Variants in IGF1R observed in about 807,000 individuals in gnomAD.
IGF1R encodes the protein insulin like growth factor 1 receptor.
IGF1R carries 44 observed loss-of-function variants against 144.6 expected under a neutral mutation model. The ratio of observed to expected loss-of-function variants is 0.30; its 90% CI spans 0.24 to 0.39. The LOEUF (loss-of-function observed/expected upper bound fraction) is 0.39, where lower values mean the gene tolerates loss of function less well. Among genes scored for constraint, IGF1R ranks in the 10% least tolerant of loss-of-function variants. The probability of loss-of-function intolerance (pLI) is 1.00; values close to 1 mark genes in which losing one functional copy is unlikely to be tolerated. For missense variants in IGF1R, 1,355 were observed against 1,833.7 expected (o/e 0.74, Z 4.77); for synonymous variants, 795 against 722.8 (o/e 1.10, Z -1.60).
At chr15:98,732,324 G>C (rs1248349149) in intron 2 of IGF1R, among the ~76,000 whole-genome samples, 1 of 152,184 alleles carries the variant, frequency 6.6e-6, no homozygotes, top group Non-Finnish European at 1.5e-5. Context: ...TGAGTATAAG[G>C]ATAAGTCAAT....
chr15:98,931,776 A>G (rs1009386595), intron 15 of IGF1R, among the ~76,000 whole-genome samples: 2 of 152,064 alleles, frequency 1.3e-5, no homozygotes, highest in African/African-American at 4.8e-5. Context: ...AGGTGAAAGG[A>G]TTACCTGAGC....
At chr15:98,951,020 C>T (rs561957764) in intron 20 of IGF1R, among the ~76,000 whole-genome samples, 121 of 152,216 alleles carry the variant, frequency 7.9e-4, no homozygotes, top group Non-Finnish European at 1.4e-3. Context: ...TCTGGGAGTA[C>T]GTTGGCTGGG....
intron 1 of IGF1R, among the ~76,000 whole-genome samples, chr15:98,684,930 C>CTTTTT (rs5814891): frequency 1.8e-5 from 2 of 113,440 alleles, no homozygotes; most frequent in Non-Finnish European, 1.8e-5. Flanking sequence ...CTTCCTTTTC[C>CTTTTT]TTTTTTTTTT....
At chr15:98,888,919 G>A (rs1304588917) in intron 2 of IGF1R, among the ~76,000 whole-genome samples, 3 of 152,158 alleles carry the variant, frequency 2.0e-5, no homozygotes, top group Non-Finnish European at 4.4e-5. Flanking sequence ...TTGATGTTTC[G>A]CCTTGTGGTC....
chr15:98,897,521 G>T, intron 4 of IGF1R: 1 of 154,264 alleles, frequency 6.5e-6, no homozygotes, highest in South Asian at 2.0e-4. Context: ...TTGTGCAAAG[G>T]ATTTCCCACT....
chr15:98,856,650 A>G (rs192535937), intron 2 of IGF1R, among the ~76,000 whole-genome samples: 1 of 152,368 alleles, frequency 6.6e-6, no homozygotes, highest in African/African-American at 2.4e-5. Flanking sequence ...CTATCCAAAT[A>G]TAAAGAATTG....
intron 2 of IGF1R, among the ~76,000 whole-genome samples, chr15:98,789,401 G>A (rs2056078682): frequency 6.6e-6 from 1 of 152,126 alleles, no homozygotes; most frequent in Admixed American, 6.5e-5. Flanking sequence ...TTTTCCTTAT[G>A]TATGTAGTAT....
chr15:98,675,642 A>G (rs1369623216), intron 1 of IGF1R, among the ~76,000 whole-genome samples: 1 of 152,134 alleles, frequency 6.6e-6, no homozygotes, highest in African/African-American at 2.4e-5. Flanking sequence ...AAATCGGTTA[A>G]TCATGCATAT....
intron 10 of IGF1R, 121 bp downstream of exon 10, chr15:98,916,997 G>A (rs1306022229): frequency 1.2e-6 from 1 of 839,270 alleles, no homozygotes; most frequent in Non-Finnish European, 2.0e-6. Flanking sequence ...AGTAGCCACT[G>A]AGACGGAGCC....
chr15:98,685,212 TG>T (rs1567074908), intron 1 of IGF1R, among the ~76,000 whole-genome samples: 1 of 152,166 alleles, frequency 6.6e-6, no homozygotes, highest in Admixed American at 6.5e-5. Flanking sequence ...CCCAAAGTTC[TG>T]GGATTACAGG....
chr15:98,916,183 G>T (rs776939685), intron 9 of IGF1R, 52 bp downstream of exon 9: 1 of 1,561,822 alleles, frequency 6.4e-7, no homozygotes, highest in Non-Finnish European at 8.8e-7. Context: ...CATTCCTGTG[G>T]TTGTAATGTG....
chr15:98,820,032 G>A (rs2056772881), intron 2 of IGF1R, among the ~76,000 whole-genome samples: 1 of 152,128 alleles, frequency 6.6e-6, no homozygotes, highest in South Asian at 2.1e-4. Context: ...TGAAAAAGCT[G>A]CAGAATCCTT....
At chr15:98,933,073 C>A (rs1448498764) in intron 15 of IGF1R, among the ~76,000 whole-genome samples, 1 of 152,250 alleles carries the variant, frequency 6.6e-6, no homozygotes, top group African/African-American at 2.4e-5. Context: ...CACCTCCTTT[C>A]TGAGCCAGGA....
chr15:98,809,773 A>AGGG (rs2056545168), intron 2 of IGF1R, among the ~76,000 whole-genome samples: 1 of 152,180 alleles, frequency 6.6e-6, no homozygotes, highest in African/African-American at 2.4e-5. Flanking sequence ...GAGTGCCTGC[A>AGGG]GGGGACACAG....
In IGF1R at chr15:98,891,545, C is replaced by T. The variant is rs769196604; in HGVS notation, c.861C>T (p.Ser287=). The T allele has an allele frequency of 2.3e-5, 37 of 1,611,618 alleles. No homozygotes were observed. In the Admixed American group the frequency reaches 3.8e-4, roughly 17 times the overall value. Residue 287 remains serine (S), a synonymous_variant, in exon 3 of 21, where the codon AGC becomes AGT. Coordinates refer to ENST00000650285, the MANE Select transcript of IGF1R (RefSeq NM_000875.5). This position sits in a 1 kb window ranked among gnomAD's most constrained non-coding sequence, Gnocchi z 4.7. ...VDRDFCANIL[S]AESSDSEGFV... ...GTGACTTCTGCGCCAACATCCTCAG[C>T]GCCGAGAGCAGCGACTCCGAGGGGT... is the stretch of plus-strand genomic sequence containing the variant.
chr15:98,912,378 T>C (rs1288794036), intron 7 of IGF1R, among the ~76,000 whole-genome samples: 1 of 152,212 alleles, frequency 6.6e-6, no homozygotes, highest in Non-Finnish European at 1.5e-5. Flanking sequence ...AGACGGTGTT[T>C]TGTTCATGTT....
chr15:98,693,780 A>G (rs2053535415), intron 1 of IGF1R, among the ~76,000 whole-genome samples: 2 of 151,896 alleles, frequency 1.3e-5, no homozygotes, highest in African/African-American at 4.8e-5. Context: ...TCATTTTTGT[A>G]TTTTTAGTAG....
Position 98,935,165 on chromosome 15 carries a change from C to T in IGF1R, c.3186+112C>T. ...CCGTGGGTTTGGTGTCTTGCCTTTG[C>T]CTTCTGGATAGTTACCCCATTACCT... is the stretch of plus-strand genomic sequence containing the variant. On this transcript the variant is annotated intron_variant, in intron 16 of 20. Coordinates refer to ENST00000650285, the MANE Select transcript of IGF1R (RefSeq NM_000875.5). The surrounding 1 kb of genome is among the most constrained non-coding windows in gnomAD (Gnocchi z 4.2). 1.9e-6 allele frequency: 2 copies of T among 1,030,860 alleles called. No individual in the cohort carries two copies. Among genetic ancestry groups the T allele is most frequent in the Non-Finnish European group, 3.0e-6 (2 of 670,384 alleles). 63.9% of individuals were successfully genotyped at this position (1,030,860 alleles called of 1,614,324 possible).
intron 1 of IGF1R, among the ~76,000 whole-genome samples, chr15:98,650,295 C>T (rs28409768): frequency 0.091 from 13,843 of 152,268 alleles, 1,214 homozygotes; most frequent in African/African-American, 0.23. Flanking sequence ...CCCTCGGGCT[C>T]CTCGGGTTCC....
Sources: allele counts gnomAD v4.1 joint callset (sites outside exome capture counted in the v4.1 genomes callset), GRCh38; gene constraint gnomAD v4.1.1; non-coding constraint Gnocchi (gnomAD v3.1); transcripts MANE v1.5; gene names NCBI Gene and HGNC (gene_info 2026-07-23, HGNC 2026-07-21).